Variants in PHAF1 observed in about 807,000 individuals in gnomAD.
PHAF1 encodes phagophore assembly factor 1.
In PHAF1, 23 loss-of-function variants were observed where a neutral mutation model predicts 63.1. That is an observed-to-expected ratio of 0.36 (90% CI 0.26 to 0.52). The LOEUF is 0.52. Among genes scored for constraint, PHAF1 ranks in the 20% least tolerant of loss-of-function variants. The pLI is 0.93. For missense variants in PHAF1, 427 were observed against 517.2 expected, an observed-to-expected ratio of 0.83 and a Z score of 1.69; for synonymous variants, 167 against 185.0, an observed-to-expected ratio of 0.90 and a Z score of 0.79.
intron 3 of PHAF1, among the ~76,000 whole-genome samples, chr16:67,128,666 A>C (rs1963278680): frequency 6.6e-6 from 1 of 152,216 alleles, no homozygotes. Flanking sequence ...TGTAGCCCAG[A>C]GATGGAAAAT....
intron 2 of PHAF1, among the ~76,000 whole-genome samples, chr16:67,124,822 G>A (rs1245439544): frequency 6.6e-6 from 1 of 151,566 alleles, no homozygotes; most frequent in Non-Finnish European, 1.5e-5. Flanking sequence ...AGAATGGTGT[G>A]AACCCAGGAG....
At chr16:67,120,546 G>T (rs1459292320) in intron 2 of PHAF1, among the ~76,000 whole-genome samples, 2 of 150,962 alleles carry the variant, frequency 1.3e-5, no homozygotes, top group Non-Finnish European at 2.9e-5. Flanking sequence ...TGTCTTTTCT[G>T]CTTTTGTTGG....
In PHAF1 at chr16:67,140,163, T is replaced by C. The variant is rs949188731; in HGVS notation, c.795+46T>C. ...TCTCCTCCTTTTTTTTAATCAACAC[T>C]AATTTAATATTGAGTATAAACTGTT... On this transcript the variant is annotated intron_variant, in intron 9 of 15. Transcript: ENST00000219139. 3 of 1,583,268 alleles carry C rather than the reference T, an allele frequency of 1.9e-6. No homozygotes were observed. In the Admixed American group the frequency reaches 5.2e-5, roughly 27 times the overall value.
intron 1 of PHAF1, among the ~76,000 whole-genome samples, chr16:67,118,579 C>T (rs1013187845): frequency 1.3e-5 from 2 of 151,570 alleles, no homozygotes; most frequent in Non-Finnish European, 2.9e-5. Flanking sequence ...TGATGATCTG[C>T]CCATCTCGGC....
intron 2 of PHAF1, among the ~76,000 whole-genome samples, chr16:67,122,848 C>G (rs957943220): frequency 6.6e-6 from 1 of 152,088 alleles, no homozygotes; most frequent in African/African-American, 2.4e-5. Flanking sequence ...CCTGCCTCAG[C>G]CTCCCAAGTA....
intron 12 of PHAF1, among the ~76,000 whole-genome samples, chr16:67,145,169 C>G (rs540206735): frequency 5.9e-5 from 9 of 152,234 alleles, no homozygotes; most frequent in Admixed American, 5.9e-4. Context: ...GCCTGCCACC[C>G]ACTGCCAATT....
intron 2 of PHAF1, among the ~76,000 whole-genome samples, chr16:67,124,036 A>G (rs1597193830): frequency 6.6e-6 from 1 of 152,222 alleles, no homozygotes; most frequent in Non-Finnish European, 1.5e-5. Context: ...TTAATAAAAC[A>G]TTGACTCTGA....
intron 8 of PHAF1, 138 bp from the exon 9 acceptor site, chr16:67,139,843 CTGA>C (rs1963740144): frequency 5.7e-6 from 5 of 874,884 alleles, no homozygotes; most frequent in Non-Finnish European, 9.1e-6. Context: ...CCCTGGTGAC[CTGA>C]TGTTTCTGAT....
intron 1 of PHAF1, among the ~76,000 whole-genome samples, chr16:67,112,662 G>C (rs1962565724): frequency 6.6e-6 from 1 of 152,152 alleles, no homozygotes; most frequent in South Asian, 2.1e-4. Context: ...TCCTAGCTCT[G>C]CTAGTTTCCC....
At chr16:67,122,749 GAC>G (rs1002067590) in intron 2 of PHAF1, among the ~76,000 whole-genome samples, 3 of 152,030 alleles carry the variant, frequency 2.0e-5, no homozygotes, top group Non-Finnish European at 4.4e-5. Flanking sequence ...TTGTTTCTGA[GAC>G]AGAGTCTTGC....
Position 67,147,406 on chromosome 16 carries a change from T to C in PHAF1, c.*275T>C, listed in dbSNP as rs1224076689. ...CCTTGATTCCTGGACCCAGGAGCTC[T>C]CAACTAACAAGGAGGCAGGAGAGGT... On this transcript the variant is annotated 3_prime_UTR_variant, in exon 16 of 16. Transcript: ENST00000219139. The C allele has an allele frequency of 2.2e-6, 1 of 461,400 alleles. No individual in the cohort carries two copies. The highest frequency in any genetic ancestry group is 3.9e-6 in the Non-Finnish European group (1 of 257,596). 28.6% of individuals were successfully genotyped at this position (461,400 alleles called of 1,614,324 possible).
chr16:67,111,626 T>G (rs531535393), intron 1 of PHAF1, among the ~76,000 whole-genome samples: 2 of 152,312 alleles, frequency 1.3e-5, no homozygotes, highest in African/African-American at 4.8e-5. Context: ...GTTTTTGTTG[T>G]TGGTGTTTTG....
At chr16:67,130,628 C>A (rs1222324108) in intron 3 of PHAF1, among the ~76,000 whole-genome samples, 1 of 152,170 alleles carries the variant, frequency 6.6e-6, no homozygotes, top group Non-Finnish European at 1.5e-5. Flanking sequence ...GGATTATAGG[C>A]GTGAGCCACC....
chr16:67,140,122 G>A lies in PHAF1; in HGVS notation c.795+5G>A, dbSNP rs751691616. ...TTCTATAAATCAGAAGACAAGGTAG[G>A]GGAATTATGTTGCAGTCTCCTCCTT... On this transcript the variant is annotated splice_donor_5th_base_variant and intron_variant, in intron 9 of 15. Coordinates refer to ENST00000219139, the MANE Select transcript of PHAF1 (RefSeq NM_025187.5). The A allele has an allele frequency of 3.7e-6, 6 of 1,613,496 alleles. No individual in the cohort carries two copies. Among genetic ancestry groups the A allele is most frequent in the Non-Finnish European group, 5.1e-6 (6 of 1,179,794 alleles).
chr16:67,138,397 A>C (rs1321750620), intron 8 of PHAF1, among the ~76,000 whole-genome samples: 1 of 152,214 alleles, frequency 6.6e-6, no homozygotes, highest in Admixed American at 6.5e-5. Flanking sequence ...GCATATAAAA[A>C]ATGGATTGTT....
chr16:67,143,341 A>C (rs1963877482), intron 10 of PHAF1, among the ~76,000 whole-genome samples: 1 of 152,096 alleles, frequency 6.6e-6, no homozygotes, highest in Non-Finnish European at 1.5e-5. Flanking sequence ...GTTCGAGACC[A>C]ACCTGACCAA....
At chr16:67,128,678 A>G (rs1262514408) in intron 3 of PHAF1, among the ~76,000 whole-genome samples, 1 of 152,188 alleles carries the variant, frequency 6.6e-6, no homozygotes, top group Non-Finnish European at 1.5e-5. Flanking sequence ...ATGGAAAATC[A>G]TGGGCTTTAG....
rs1391484695 is a variant in PHAF1, at chr16:67,110,030, T to TGCTGCC, written c.-137_-132dup. On this transcript the variant is annotated 5_prime_UTR_variant, in exon 1 of 16. Transcript: ENST00000219139. ...GTGAGGTGTGGTGTTGGGCCGGTGC[T>TGCTGCC]GCTGCCGCTGCCGCCGGGGAGGAGG... is the stretch of plus-strand genomic sequence containing the variant. 5 of 780,952 alleles carry TGCTGCC rather than the reference T, an allele frequency of 6.4e-6. No individual in the cohort carries two copies. The highest frequency in any genetic ancestry group is 5.2e-5 in the African/African-American group (3 of 57,478). The allele number at this position is 780,952 out of a possible 1,614,324, so 48.4% of individuals were successfully genotyped here.
At chr16:67,126,892 CTTTTTTT>C (rs894357549) in intron 3 of PHAF1, among the ~76,000 whole-genome samples, 1 of 125,750 alleles carries the variant, frequency 8.0e-6, no homozygotes. Flanking sequence ...CCAGCCCAGT[CTTTTTTT>C]TTTTTTTGAG....
Sources: allele counts gnomAD v4.1 joint callset (sites outside exome capture counted in the v4.1 genomes callset), GRCh38; gene constraint gnomAD v4.1.1; transcripts MANE v1.5; gene names NCBI Gene and HGNC (gene_info 2026-07-23, HGNC 2026-07-21).